The following PREP variants were observed in gnomAD, a reference collection of about 807,000 sequenced individuals.
PREP encodes the protein prolyl endopeptidase.
A neutral mutation model predicts 87.6 loss-of-function variants in PREP; 29 were observed. The ratio of observed to expected loss-of-function variants is 0.33; its 90% CI spans 0.25 to 0.45. The LOEUF (loss-of-function observed/expected upper bound fraction) is 0.45, where lower values mean the gene tolerates loss of function less well. PREP is among the 20% of genes least tolerant of loss of function. The probability of loss-of-function intolerance (pLI) is 1.00; values close to 1 mark genes in which losing one functional copy is unlikely to be tolerated. For missense variants in PREP, 695 were observed against 886.5 expected, an observed-to-expected ratio of 0.78 and a Z score of 2.74; for synonymous variants, 337 against 328.6, an observed-to-expected ratio of 1.03 and a Z score of -0.28.
chr6:105,360,940 C>T (rs1772231555), intron 6 of PREP, among the ~76,000 whole-genome samples: 1 of 151,848 alleles, frequency 6.6e-6, no homozygotes. Context: ...CACACACATA[C>T]ATATGTACAC....
At chr6:105,376,071 G>C in intron 4 of PREP, 54 bp downstream of exon 4, 1 of 1,569,574 alleles carries the variant, frequency 6.4e-7, no homozygotes, top group South Asian at 1.2e-5. Flanking sequence ...ACTAACTTCA[G>C]AGCTCCAAGT....
chr6:105,326,561 T>A (rs1002639266), intron 9 of PREP, among the ~76,000 whole-genome samples: 1 of 152,192 alleles, frequency 6.6e-6, no homozygotes, highest in Admixed American at 6.5e-5. Context: ...CCCTGGGGCT[T>A]TACATATAAT....
intron 10 of PREP, among the ~76,000 whole-genome samples, chr6:105,313,967 C>T (rs929312765): frequency 6.6e-6 from 1 of 152,182 alleles, no homozygotes; most frequent in African/African-American, 2.4e-5. Flanking sequence ...AAGTGTGTGT[C>T]TATACAGGCA....
At chr6:105,299,806 T>A (rs1770493344) in intron 10 of PREP, among the ~76,000 whole-genome samples, 1 of 152,214 alleles carries the variant, frequency 6.6e-6, no homozygotes, top group Admixed American at 6.5e-5. Context: ...ACACATTCAT[T>A]TCTTCTTCCC....
At chr6:105,396,141 T>C (rs1477251968) in intron 2 of PREP, among the ~76,000 whole-genome samples, 1 of 152,230 alleles carries the variant, frequency 6.6e-6, no homozygotes, top group Non-Finnish European at 1.5e-5. Context: ...ACCCAGTGCT[T>C]CTGGAAAGAA....
chr6:105,321,424 C>T (rs1288130384), intron 10 of PREP, among the ~76,000 whole-genome samples: 3 of 152,212 alleles, frequency 2.0e-5, no homozygotes, highest in Non-Finnish European at 2.9e-5. Context: ...CCACAGGCAC[C>T]TGGCAGCGCC....
At chr6:105,321,175 C>T (rs1030381200) in intron 10 of PREP, among the ~76,000 whole-genome samples, 3 of 152,222 alleles carry the variant, frequency 2.0e-5, no homozygotes, top group African/African-American at 7.2e-5. Context: ...TGGCATTATA[C>T]ATACAGGCTA....
At chr6:105,352,327 A>G (rs1293214250) in intron 7 of PREP, among the ~76,000 whole-genome samples, 1 of 152,138 alleles carries the variant, frequency 6.6e-6, no homozygotes, top group Non-Finnish European at 1.5e-5. Context: ...GAAGAGAACA[A>G]CATTTAAAAT....
intron 6 of PREP, among the ~76,000 whole-genome samples, chr6:105,353,496 C>T (rs765373042): frequency 3.9e-5 from 6 of 152,006 alleles, no homozygotes; most frequent in Admixed American, 6.6e-5. Flanking sequence ...TGGGGCCGGG[C>T]GCAGTGGTTC....
intron 5 of PREP, among the ~76,000 whole-genome samples, chr6:105,370,955 A>G (rs764990474): frequency 6.6e-6 from 1 of 152,244 alleles, no homozygotes; most frequent in Non-Finnish European, 1.5e-5. Flanking sequence ...ACATGTCACT[A>G]TACATTTGTT....
At chr6:105,309,204 G>A (rs1196049774) in intron 10 of PREP, among the ~76,000 whole-genome samples, 2 of 152,108 alleles carry the variant, frequency 1.3e-5, no homozygotes, top group East Asian at 3.9e-4. Flanking sequence ...ACGAGGGCTA[G>A]GCTATTTATT....
At chr6:105,346,857 T>C (rs373852966) in intron 7 of PREP, among the ~76,000 whole-genome samples, 1 of 152,206 alleles carries the variant, frequency 6.6e-6, no homozygotes, top group African/African-American at 2.4e-5. Context: ...TCCCAGCACT[T>C]TGGGAAGCTG....
intron 10 of PREP, among the ~76,000 whole-genome samples, chr6:105,315,441 G>A (rs578186296): frequency 2.8e-4 from 42 of 152,270 alleles, no homozygotes; most frequent in Admixed American, 4.6e-4. Context: ...AAAGCATTGG[G>A]ATGACAGGCA....
intron 1 of PREP, among the ~76,000 whole-genome samples, chr6:105,400,465 C>A (rs1773397649): frequency 6.6e-6 from 1 of 152,156 alleles, no homozygotes; most frequent in Non-Finnish European, 1.5e-5. Flanking sequence ...AAATGCAATT[C>A]CACAACAATC....
chr6:105,273,750 C>T lies in PREP; in HGVS notation c.*4394G>A, dbSNP rs1562181906. The T allele has an allele frequency of 6.6e-6, 1 of 152,378 alleles. No individual in the cohort carries two copies. The highest frequency in any genetic ancestry group is 1.9e-4 in the East Asian group (1 of 5,196). 9.4% of individuals were successfully genotyped at this position (152,378 alleles called of 1,614,324 possible). ...CAGTGGCTTCACCTGACTGAGCTGC[C>T]TGCCATCTCTAGTGTATCCTCCAGG... On this transcript the variant is annotated 3_prime_UTR_variant, in exon 15 of 15. Coordinates refer to ENST00000652536, the MANE Select transcript of PREP (RefSeq NM_002726.5).
chr6:105,345,543 CAAGCTCCCT>C (rs1771773596), intron 7 of PREP, among the ~76,000 whole-genome samples: 1 of 152,168 alleles, frequency 6.6e-6, no homozygotes, highest in Admixed American at 6.5e-5. Flanking sequence ...AAATGCTGTG[CAAGCTCCCT>C]AATAATGGCA....
Position 105,356,307 on chromosome 6 carries a change from T to G in PREP, c.718-3230A>C, listed in dbSNP as rs1772099384. ...ATAGCTTCTCTGAGGTCTAAGTGAA[T>G]ACCCTGGGTGTTCACAAAGTCTTTC... On this transcript the variant is annotated intron_variant, in intron 6 of 14. Transcript: ENST00000652536. 2.0e-5 allele frequency among the ~76,000 whole-genome samples: 3 copies of G among 152,328 alleles called. No homozygotes were observed. The South Asian group carries it at 6.2e-4, about 32-fold the overall frequency.
At chr6:105,392,390 G>A (rs1011954313) in intron 2 of PREP, among the ~76,000 whole-genome samples, 5 of 152,006 alleles carry the variant, frequency 3.3e-5, no homozygotes, top group South Asian at 2.1e-4. Flanking sequence ...TCATGCTAAC[G>A]CTACCATGGT....
intron 1 of PREP, among the ~76,000 whole-genome samples, chr6:105,400,537 C>A (rs903749464): frequency 3.3e-5 from 5 of 152,158 alleles, no homozygotes; most frequent in Admixed American, 3.3e-4. Context: ...TTGTCCCTTA[C>A]CCAACTGGTC....
Sources: gnomAD v4.1 joint callset for allele counts (sites outside exome capture counted in the v4.1 genomes callset) on GRCh38, gnomAD v4.1.1 for gene constraint, MANE v1.5 for transcripts, NCBI Gene and HGNC (gene_info 2026-07-23, HGNC 2026-07-21) for gene names.